The following AQP1 variants were observed in gnomAD, a reference collection of about 807,000 sequenced individuals.
AQP1 encodes the protein aquaporin-1.
Under a neutral mutation model 19.7 loss-of-function variants are expected in AQP1, and 11 were observed. That is an observed-to-expected ratio of 0.56 (90% CI 0.35 to 0.92). The LOEUF (loss-of-function observed/expected upper bound fraction) is 0.92. AQP1 is among the 40% of genes least tolerant of loss of function. The probability of loss-of-function intolerance (pLI) is 0.01; values close to 1 mark genes in which losing one functional copy is unlikely to be tolerated. For synonymous variants in AQP1, 159 were observed against 166.7 expected (o/e 0.95, Z 0.36); for missense variants, 320 against 369.7 (o/e 0.87, Z 1.10).
rs949453938 is a variant in AQP1 at position 30,912,546 on chromosome 7, C to A, written c.384+253C>A. ...ATAATGGTCTTGCCAATGTCCCCTG[C>A]AGGGCATCTATTATGGGGAATAAGC... On this transcript the variant is annotated intron_variant, in intron 1 of 3. Coordinates refer to ENST00000311813, the MANE Select transcript of AQP1 (RefSeq NM_198098.4). The surrounding 1 kb of genome is among the most constrained non-coding windows in gnomAD (Gnocchi z 4.3). Among the ~76,000 whole-genome samples the A allele has an allele frequency of 3.9e-5, 6 of 152,218 alleles. No homozygotes were observed. The highest frequency in any genetic ancestry group is 3.9e-4 in the Admixed American group (6 of 15,284).
Position 30,924,031 on chromosome 7 carries a change from G to C in AQP1, c.*402G>C. The C allele has an allele frequency of 3.8e-6, 5 of 1,308,698 alleles. No homozygotes were observed. Among genetic ancestry groups the C allele is most frequent in the East Asian group, 4.6e-5 (1 of 21,770 alleles). The allele number at this position is 1,308,698 out of a possible 1,614,324, so 81.1% of individuals were successfully genotyped here. A position where few individuals can be genotyped will look rare whatever the true frequency, so the allele number is the denominator to read the frequency against. ...GTAATTGCTTTGTGCCTTTGGGCAC[G>C]GCCCTCCTTCTTTTCCTAACATGCA... On this transcript the variant is annotated 3_prime_UTR_variant, in exon 4 of 4. Coordinates refer to ENST00000311813, the MANE Select transcript of AQP1 (RefSeq NM_198098.4).
chr7:30,917,261 A>G (rs1791383117), intron 1 of AQP1, among the ~76,000 whole-genome samples: 1 of 152,206 alleles, frequency 6.6e-6, no homozygotes, highest in Admixed American at 6.5e-5. Context: ...CACACATGGT[A>G]CACAAAGCAC....
At chr7:30,918,102 C>T (rs1454035072) in intron 1 of AQP1, among the ~76,000 whole-genome samples, 1 of 151,686 alleles carries the variant, frequency 6.6e-6, no homozygotes. Context: ...TTATGCCATT[C>T]TCCCACCTCA....
chr7:30,918,213 C>T (rs1318855823), intron 1 of AQP1, among the ~76,000 whole-genome samples: 1 of 152,102 alleles, frequency 6.6e-6, no homozygotes, highest in Non-Finnish European at 1.5e-5. Flanking sequence ...AGGATGGTCT[C>T]GATCTCCTGA....
chr7:30,921,559 G>C, intron 1 of AQP1: 2 of 1,542,628 alleles, frequency 1.3e-6, no homozygotes, highest in South Asian at 1.2e-5. Context: ...GGACCTCACC[G>C]AAGGCCTCCT....
Position 30,923,378 on chromosome 7 carries a change from T to C in AQP1, c.631-72T>C. 1 of 1,607,862 alleles carries C rather than the reference T, an allele frequency of 6.2e-7. No homozygotes were observed. The highest frequency in any genetic ancestry group is 8.5e-7 in the Non-Finnish European group (1 of 1,177,334). Reference sequence around the variant, plus strand: ...ACCTGTCCAACGGGGTGGTGGGCTGTGGGGTAACCTAGGGAACGCTTCCCA... The same window carrying C: ...ACCTGTCCAACGGGGTGGTGGGCTGCGGGGTAACCTAGGGAACGCTTCCCA... On this transcript the variant is annotated intron_variant, in intron 3 of 3. Coordinates refer to ENST00000311813, the MANE Select transcript of AQP1 (RefSeq NM_198098.4). This position sits in a 1 kb window ranked among gnomAD's most constrained non-coding sequence, Gnocchi z 4.8.
chr7:30,918,742 T>G, intron 1 of AQP1, among the ~76,000 whole-genome samples: 1 of 152,188 alleles, frequency 6.6e-6, no homozygotes, highest in East Asian at 1.9e-4. Context: ...TAGAGCACAT[T>G]GCCTGGAGAG....
intron 1 of AQP1, among the ~76,000 whole-genome samples, chr7:30,919,713 C>G (rs138164621): frequency 6.6e-6 from 1 of 152,070 alleles, no homozygotes; most frequent in Non-Finnish European, 1.5e-5. Flanking sequence ...TAAACAGTAA[C>G]GTACATTTGA....
chr7:30,924,347 G>A lies in AQP1; in HGVS notation c.*718G>A, dbSNP rs1336977297. On this transcript the variant is annotated 3_prime_UTR_variant, in exon 4 of 4. Transcript: ENST00000311813. ...CCACTTGCCCTGTGTTCTTTCCCCA[G>A]GGGCATGACTGTCGCCACACGCCTC... The A allele has an allele frequency of 1.1e-5, 2 of 181,732 alleles. No individual in the cohort carries two copies. Among genetic ancestry groups the A allele is most frequent in the Non-Finnish European group, 2.3e-5 (2 of 85,538 alleles). The allele number at this position is 181,732 out of a possible 1,614,324, so 11.3% of individuals were successfully genotyped here. A position where few individuals can be genotyped will look rare whatever the true frequency, so the allele number is the denominator to read the frequency against.
chr7:30,919,728 T>C (rs1243763741), intron 1 of AQP1, among the ~76,000 whole-genome samples: 1 of 152,196 alleles, frequency 6.6e-6, no homozygotes. Flanking sequence ...ATTTGAAGTA[T>C]TTTACCTGCT....
chr7:30,923,645 GGCAT>G lies in AQP1; in HGVS notation c.*17_*20del. 4 of 1,550,320 alleles carry G rather than the reference GGCAT, an allele frequency of 2.6e-6. No individual in the cohort carries two copies. The highest frequency in any genetic ancestry group is 3.5e-6 in the Non-Finnish European group (4 of 1,155,892). On this transcript the variant is annotated 3_prime_UTR_variant, in exon 4 of 4. Transcript: ENST00000311813. This position sits in a 1 kb window ranked among gnomAD's most constrained non-coding sequence, Gnocchi z 4.8. Reference sequence around the variant, plus strand: ...GCCCAAATAGAAGGGGTCTGGCCCGGGCATCCACGTAGGGGGCAGGGGCAGGGGC... The same window carrying G: ...GCCCAAATAGAAGGGGTCTGGCCCGGCCACGTAGGGGGCAGGGGCAGGGGC...
At position 30,924,056 on chromosome 7, in the gene AQP1, A is replaced by G. The variant is rs747369378; in HGVS notation, c.*427A>G. ...GGCCCTCCTTCTTTTCCTAACATGCACCTTGCTCCCAATGGTGCTTGGAGG... is the reference window on the plus strand; with the variant it reads ...GGCCCTCCTTCTTTTCCTAACATGCGCCTTGCTCCCAATGGTGCTTGGAGG... On this transcript the variant is annotated 3_prime_UTR_variant, in exon 4 of 4. Coordinates refer to ENST00000311813, the MANE Select transcript of AQP1 (RefSeq NM_198098.4). The G allele has an allele frequency of 7.2e-6, 9 of 1,252,904 alleles. No individual in the cohort carries two copies. Among genetic ancestry groups the G allele is most frequent in the Admixed American group, 2.6e-5 (1 of 39,032 alleles). The allele number at this position is 1,252,904 out of a possible 1,614,324, so 77.6% of individuals were successfully genotyped here.
At chr7:30,914,276 C>T (rs1360624680) in intron 1 of AQP1, among the ~76,000 whole-genome samples, 1 of 152,204 alleles carries the variant, frequency 6.6e-6, no homozygotes, top group Non-Finnish European at 1.5e-5. Flanking sequence ...CACCTGGGTT[C>T]AAGACGTGTC....
intron 1 of AQP1, among the ~76,000 whole-genome samples, chr7:30,916,791 T>C (rs898229958): frequency 2.6e-5 from 4 of 152,200 alleles, no homozygotes; most frequent in African/African-American, 4.8e-5. Context: ...GTTGTTGATA[T>C]TGTTGTTGAC....
At chr7:30,922,374 G>T (rs1584389946) in intron 2 of AQP1, 144 bp downstream of exon 2, 1 of 1,379,222 alleles carries the variant, frequency 7.3e-7, no homozygotes, top group East Asian at 2.4e-5. Flanking sequence ...GGGGCTGGGG[G>T]CAGGGTCCTG....
intron 1 of AQP1, among the ~76,000 whole-genome samples, chr7:30,920,442 C>A (rs1366553878): frequency 2.0e-5 from 3 of 152,202 alleles, no homozygotes; most frequent in Non-Finnish European, 4.4e-5. Context: ...GCAGCTCCAC[C>A]CGCCGTCACT....
At position 30,914,245 on chromosome 7, in the gene AQP1, G is replaced by A. The variant is rs77984167; in HGVS notation, c.384+1952G>A. Among the ~76,000 whole-genome samples, 361 of 152,298 alleles carry A rather than the reference G, an allele frequency of 2.4e-3. 1 individual carries two copies. Among genetic ancestry groups the A allele is most frequent in the East Asian group, 0.01 (53 of 5,178 alleles). On this transcript the variant is annotated intron_variant, in intron 1 of 3. Coordinates refer to ENST00000311813, the MANE Select transcript of AQP1 (RefSeq NM_198098.4). ...AGAGGAGCAGCCTAGTGTGGGGTCC[G>A]GCCCTGGGCTGAGAGGCAGACACCT...
intron 2 of AQP1, 49 bp from the exon 3 acceptor site, chr7:30,922,515 A>G: frequency 6.5e-7 from 1 of 1,544,300 alleles, no homozygotes; most frequent in East Asian, 2.2e-5. Flanking sequence ...CTCTCTCTTC[A>G]CCTATGACTC....
At chr7:30,918,338 C>CTTA (rs1395833587) in intron 1 of AQP1, among the ~76,000 whole-genome samples, 2 of 152,158 alleles carry the variant, frequency 1.3e-5, no homozygotes, top group Non-Finnish European at 2.9e-5. Context: ...TAATAAACCA[C>CTTA]TTACAATCTA....
Sources: allele counts gnomAD v4.1 joint callset (sites outside exome capture counted in the v4.1 genomes callset), GRCh38; gene constraint gnomAD v4.1.1; non-coding constraint Gnocchi (gnomAD v3.1); transcripts MANE v1.5; gene names NCBI Gene and HGNC (gene_info 2026-07-23, HGNC 2026-07-21).